Variants in AUH observed in about 807,000 individuals in gnomAD.
AUH encodes the protein AU RNA binding methylglutaconyl-CoA hydratase.
AUH carries 29 observed loss-of-function variants against 42.3 expected under a neutral mutation model. The observed-to-expected ratio is 0.69, with a 90% confidence interval of 0.51 to 0.93. The LOEUF is 0.93. Among genes scored for constraint, AUH ranks in the 40% least tolerant of loss-of-function variants. The probability of loss-of-function intolerance (pLI) is 0.00; values close to 1 mark genes in which losing one functional copy is unlikely to be tolerated. For synonymous variants in AUH, 174 were observed against 166.4 expected, an observed-to-expected ratio of 1.05 and a Z score of -0.35; for missense variants, 452 against 438.1, an observed-to-expected ratio of 1.03 and a Z score of -0.28.
intron 6 of AUH, among the ~76,000 whole-genome samples, chr9:91,262,769 TC>T (rs1231830897): frequency 1.3e-5 from 2 of 152,132 alleles, no homozygotes; most frequent in East Asian, 3.9e-4. Flanking sequence ...CCGTAACTAC[TC>T]CATCAAGGGC....
intron 3 of AUH, among the ~76,000 whole-genome samples, chr9:91,350,680 A>T (rs1831896234): frequency 6.6e-6 from 1 of 151,874 alleles, no homozygotes; most frequent in Non-Finnish European, 1.5e-5. Context: ...AATCACCTGA[A>T]CCTGAAAGTC....
At chr9:91,252,250 C>G (rs1829172496) in intron 6 of AUH, among the ~76,000 whole-genome samples, 2 of 152,072 alleles carry the variant, frequency 1.3e-5, no homozygotes, top group African/African-American at 4.8e-5. Context: ...CGGACTTGAG[C>G]CACCGCAGCC....
At chr9:91,332,098 T>A (rs887575813) in intron 3 of AUH, among the ~76,000 whole-genome samples, 4 of 152,256 alleles carry the variant, frequency 2.6e-5, no homozygotes, top group African/African-American at 9.6e-5. Flanking sequence ...TTCAATGTAC[T>A]ATGAACACTC....
intron 4 of AUH, among the ~76,000 whole-genome samples, chr9:91,304,460 C>T (rs537982776): frequency 5.9e-5 from 9 of 152,280 alleles, no homozygotes; most frequent in African/African-American, 2.2e-4. Context: ...CAGAGTAAGA[C>T]CATGAGTGGC....
At chr9:91,225,731 G>A (rs2131251312) in intron 6 of AUH, among the ~76,000 whole-genome samples, 1 of 133,756 alleles carries the variant, frequency 7.5e-6, no homozygotes. Flanking sequence ...TCCCCAGAGT[G>A]TGATTGTTCC....
intron 6 of AUH, among the ~76,000 whole-genome samples, chr9:91,235,055 GC>G (rs1210455561): frequency 2.0e-5 from 3 of 151,986 alleles, no homozygotes; most frequent in African/African-American, 7.3e-5. Context: ...GTGAGGAGGA[GC>G]AGGACAGGAG....
intron 4 of AUH, among the ~76,000 whole-genome samples, chr9:91,324,812 G>A (rs1448412502): frequency 4.0e-5 from 6 of 151,322 alleles, no homozygotes; most frequent in African/African-American, 1.5e-4. Context: ...AAGAATCTAT[G>A]CTTATGTACA....
chr9:91,216,010 T>C (rs759794620), intron 9 of AUH, 49 bp downstream of exon 9: 6 of 1,544,920 alleles, frequency 3.9e-6, no homozygotes, highest in Non-Finnish European at 5.4e-6. Flanking sequence ...AGAAGGTAAA[T>C]ATAATTTGTA....
At chr9:91,230,748 CTGTT>C (rs1827823914) in intron 6 of AUH, among the ~76,000 whole-genome samples, 1 of 152,150 alleles carries the variant, frequency 6.6e-6, no homozygotes, top group African/African-American at 2.4e-5. Context: ...GATGTCCTTT[CTGTT>C]TGTTAGTTTT....
intron 4 of AUH, among the ~76,000 whole-genome samples, chr9:91,306,931 T>C (rs970871814): frequency 2.0e-5 from 3 of 152,076 alleles, no homozygotes; most frequent in Admixed American, 6.6e-5. Flanking sequence ...ATCTGGGCAA[T>C]GGAATACTAC....
At chr9:91,222,155 TA>T (rs140647812) in intron 6 of AUH, among the ~76,000 whole-genome samples, 56 of 149,418 alleles carry the variant, frequency 3.7e-4, no homozygotes, top group African/African-American at 1.2e-3. Flanking sequence ...GATTTTATCT[TA>T]AAAAAAAAAC....
At chr9:91,239,960 C>T (rs1350776999) in intron 6 of AUH, among the ~76,000 whole-genome samples, 1 of 152,112 alleles carries the variant, frequency 6.6e-6, no homozygotes, top group East Asian at 1.9e-4. Context: ...AAACTGGCCA[C>T]AATTAAACAC....
intron 6 of AUH, among the ~76,000 whole-genome samples, chr9:91,259,962 T>C (rs1052672126): frequency 6.6e-6 from 1 of 152,162 alleles, no homozygotes; most frequent in African/African-American, 2.4e-5. Flanking sequence ...TCTCACTGAT[T>C]TTCTTTTTAC....
In AUH at chr9:91,256,589, G is replaced by A. The variant is rs985962957; in HGVS notation, c.656-35597C>T. 3.9e-5 allele frequency among the ~76,000 whole-genome samples: 6 copies of A among 152,036 alleles called. No individual in the cohort carries two copies. In the East Asian group the frequency reaches 7.7e-4, roughly 20 times the overall value. On this transcript the variant is annotated intron_variant, in intron 6 of 9. Coordinates refer to ENST00000375731, the MANE Select transcript of AUH (RefSeq NM_001698.3). Reference sequence around the variant, plus strand: ...CTCTGCTTGCTCCTTCCCCACCTTGGGGGTAGGAGGGTGTCTAAGAGGTCA... The same window carrying A: ...CTCTGCTTGCTCCTTCCCCACCTTGAGGGTAGGAGGGTGTCTAAGAGGTCA...
chr9:91,251,134 C>G (rs982318202), intron 6 of AUH, among the ~76,000 whole-genome samples: 4 of 152,156 alleles, frequency 2.6e-5, no homozygotes, highest in African/African-American at 9.7e-5. Flanking sequence ...TCTATCACCT[C>G]CTAGGTAAGG....
rs768220448 is a variant in AUH at position 91,325,303 on chromosome 9, C to T, written c.505+15G>A. On this transcript the variant is annotated intron_variant, in intron 4 of 9. Transcript: ENST00000375731. ...CCCCTTCGGCATGCTGAAAGAAGAA[C>T]TTAATAGTGCTTACCAATATCGTTA... is the stretch of plus-strand genomic sequence containing the variant. 2 of 1,608,770 alleles carry T rather than the reference C, an allele frequency of 1.2e-6. No individual in the cohort carries two copies. Among genetic ancestry groups the T allele is most frequent in the African/African-American group, 1.3e-5 (1 of 74,750 alleles).
At chr9:91,241,827 A>G (rs2131342724) in intron 6 of AUH, among the ~76,000 whole-genome samples, 1 of 152,344 alleles carries the variant, frequency 6.6e-6, no homozygotes. Context: ...CAAATCAACT[A>G]TGTAATATTT....
At chr9:91,216,369 T>C (rs191979117) in intron 8 of AUH, among the ~76,000 whole-genome samples, 29 of 152,144 alleles carry the variant, frequency 1.9e-4, no homozygotes, top group African/African-American at 6.0e-4. Context: ...AAGGGGCTAA[T>C]TATAATGCTC....
chr9:91,276,813 T>C (rs1166454280), intron 6 of AUH, among the ~76,000 whole-genome samples: 2 of 152,164 alleles, frequency 1.3e-5, no homozygotes, highest in African/African-American at 4.8e-5. Flanking sequence ...AAGAAACAAG[T>C]CTGGAAGACA....
Sources: gnomAD v4.1 joint callset for allele counts (sites outside exome capture counted in the v4.1 genomes callset) on GRCh38, gnomAD v4.1.1 for gene constraint, MANE v1.5 for transcripts, NCBI Gene and HGNC (gene_info 2026-07-23, HGNC 2026-07-21) for gene names.